The following GRM5 variants were observed in gnomAD, a reference collection of about 807,000 sequenced individuals.
The protein encoded by GRM5 is metabotropic glutamate receptor 5.
Under a neutral mutation model 83.1 loss-of-function variants are expected in GRM5, and 19 were observed. That is an observed-to-expected ratio of 0.23 (90% confidence interval 0.16 to 0.34). The LOEUF (loss-of-function observed/expected upper bound fraction) is 0.34. GRM5 is among the 10% of genes least tolerant of loss of function. The pLI, the probability that GRM5 is intolerant of heterozygous loss-of-function variation, is 1.00. For missense variants in GRM5, 1,160 were observed against 1,588.3 expected (o/e 0.73, Z 4.58); for synonymous variants, 675 against 633.6 (o/e 1.07, Z -0.98).
At chr11:88,811,428 C>T (rs1165794034) in intron 3 of GRM5, among the ~76,000 whole-genome samples, 1 of 152,054 alleles carries the variant, frequency 6.6e-6, no homozygotes, top group African/African-American at 2.4e-5. Flanking sequence ...GTTGTAGAAT[C>T]CACAGTATTC....
At chr11:88,916,074 T>C (rs1945585694) in intron 2 of GRM5, among the ~76,000 whole-genome samples, 4 of 152,186 alleles carry the variant, frequency 2.6e-5, no homozygotes, top group African/African-American at 4.8e-5. Flanking sequence ...CATTTATTCT[T>C]CTTAATTATT....
At chr11:88,515,129 G>T (rs1423458562) in intron 9 of GRM5, among the ~76,000 whole-genome samples, 1 of 152,040 alleles carries the variant, frequency 6.6e-6, no homozygotes, top group Admixed American at 6.6e-5. Context: ...AGTGCTTAAT[G>T]GTACTAGTAC....
intron 2 of GRM5, among the ~76,000 whole-genome samples, chr11:88,889,224 C>G (rs1429973585): frequency 6.6e-6 from 1 of 152,090 alleles, no homozygotes; most frequent in Non-Finnish European, 1.5e-5. Flanking sequence ...GTCTAGTACC[C>G]AGGCAAGAGG....
At chr11:88,757,507 G>A (rs1002546772) in intron 3 of GRM5, among the ~76,000 whole-genome samples, 5 of 151,992 alleles carry the variant, frequency 3.3e-5, no homozygotes, top group Non-Finnish European at 1.5e-5. Flanking sequence ...GGATGACGGT[G>A]GAACCACCCC....
chr11:88,509,248 C>G lies in GRM5; in HGVS notation c.2983G>C (p.Ala995Pro). The change falls in exon 10 of 10, where the codon GCC becomes CCC. Residue 995 changes from alanine to proline, a missense_variant. Physicochemically the swap from Ala to Pro is conservative, Grantham distance 27. Around this residue, in one of 9 missense-constraint regions of GRM5, gnomAD observed 562 missense variants for 532.4 expected, o/e 1.06. Transcript: ENST00000305447. ...AGPGGPESPDAGPKALYDVAE... is the reference protein window; with the variant it reads ...AGPGGPESPDPGPKALYDVAE... The stretch of plus-strand genomic sequence containing the variant: ...ACATCATACAGCGCCTTGGGGCCGG[C>G]GTCTGGGGACTCGGGCCCGCCTGGG... The G allele has an allele frequency of 6.7e-7, 1 of 1,491,242 alleles. No homozygotes were observed. Among genetic ancestry groups the G allele is most frequent in the African/African-American group, 1.5e-5 (1 of 68,090 alleles). The allele number at this position is 1,491,242 out of a possible 1,614,324, so 92.4% of individuals were successfully genotyped here.
chr11:89,053,631 A>T (rs1169256182), intron 1 of GRM5, among the ~76,000 whole-genome samples: 2 of 152,184 alleles, frequency 1.3e-5, no homozygotes, highest in Non-Finnish European at 2.9e-5. Flanking sequence ...GACAAGAAAC[A>T]AAATAAATAC....
At chr11:88,809,520 T>G (rs1328930902) in intron 3 of GRM5, among the ~76,000 whole-genome samples, 6 of 152,082 alleles carry the variant, frequency 3.9e-5, no homozygotes, top group African/African-American at 1.4e-4. Context: ...AGATTATTAT[T>G]TTTACTGTTC....
chr11:88,851,630 C>T (rs12281091), intron 2 of GRM5, among the ~76,000 whole-genome samples: 2,444 of 152,272 alleles, frequency 0.016, 64 homozygotes, highest in African/African-American at 0.056. Context: ...TTAGTTTGAA[C>T]ACAAATCTCT....
At chr11:88,639,206 T>C (rs1939222459) in intron 4 of GRM5, among the ~76,000 whole-genome samples, 1 of 152,172 alleles carries the variant, frequency 6.6e-6, no homozygotes, top group Non-Finnish European at 1.5e-5. Context: ...TAAGTGGTTC[T>C]GTCCCGGGTC....
intron 2 of GRM5, among the ~76,000 whole-genome samples, chr11:89,028,707 A>G (rs1565342190): frequency 6.6e-6 from 1 of 152,214 alleles, no homozygotes. Flanking sequence ...TGATCTTAAA[A>G]AGGAAAGATG....
intron 4 of GRM5, among the ~76,000 whole-genome samples, chr11:88,639,174 T>G (rs1014589823): frequency 6.6e-6 from 1 of 152,124 alleles, no homozygotes; most frequent in Admixed American, 6.6e-5. Context: ...ACCATATGAT[T>G]GCTGGGAACA....
At chr11:89,061,535 C>T (rs1344739245) in intron 1 of GRM5, among the ~76,000 whole-genome samples, 1 of 152,142 alleles carries the variant, frequency 6.6e-6, no homozygotes, top group Non-Finnish European at 1.5e-5. Flanking sequence ...TAACATGAAA[C>T]ACAACAATGT....
chr11:88,718,193 C>G (rs747975634), intron 3 of GRM5, among the ~76,000 whole-genome samples: 9 of 151,870 alleles, frequency 5.9e-5, no homozygotes, highest in Non-Finnish European at 1.0e-4. Context: ...TACTCTTTCA[C>G]AAGTCAATGC....
chr11:88,765,583 T>C (rs1384759640), intron 3 of GRM5, among the ~76,000 whole-genome samples: 2 of 151,646 alleles, frequency 1.3e-5, no homozygotes, highest in Admixed American at 1.3e-4. Context: ...AGACCATTCT[T>C]GAGAAGGGAA....
chr11:88,673,834 C>T (rs190837119), intron 3 of GRM5, among the ~76,000 whole-genome samples: 3 of 151,184 alleles, frequency 2.0e-5, no homozygotes, highest in African/African-American at 7.3e-5. Flanking sequence ...ACAGGCAGTG[C>T]CAAATGGTTC....
intron 2 of GRM5, among the ~76,000 whole-genome samples, chr11:88,987,694 C>G (rs1488026630): frequency 1.3e-5 from 2 of 152,218 alleles, no homozygotes; most frequent in African/African-American, 4.8e-5. Context: ...TCAAGTGGAT[C>G]CCTGACCCCT....
intron 2 of GRM5, among the ~76,000 whole-genome samples, chr11:88,986,747 T>TG (rs1939728867): frequency 7.1e-6 from 1 of 141,562 alleles, no homozygotes; most frequent in Non-Finnish European, 1.5e-5. Flanking sequence ...TTTTTTTTTT[T>TG]GCACTCTTGG....
At chr11:88,908,925 A>G (rs550978441) in intron 2 of GRM5, among the ~76,000 whole-genome samples, 1 of 152,234 alleles carries the variant, frequency 6.6e-6, no homozygotes, top group East Asian at 1.9e-4. Context: ...TTATTCTAGC[A>G]TTCTTAGTTG....
At chr11:88,611,311 T>C (rs149176884) in intron 4 of GRM5, among the ~76,000 whole-genome samples, 99 of 152,328 alleles carry the variant, frequency 6.5e-4, no homozygotes, top group African/African-American at 2.2e-3. Flanking sequence ...TCTTTGAACA[T>C]CTGGTAGAAT....
Sources: gnomAD v4.1 joint callset for allele counts (sites outside exome capture counted in the v4.1 genomes callset) on GRCh38, gnomAD v4.1.1 for gene constraint, gnomAD v4.1.1 regional missense constraint, MANE v1.5 for transcripts, NCBI Gene and HGNC (gene_info 2026-07-23, HGNC 2026-07-21) for gene names.